The following PEX5 variants were observed in gnomAD, a reference collection of about 807,000 sequenced individuals.
The protein encoded by PEX5 is PTS1 receptor.
PEX5 carries 52 observed loss-of-function variants against 82.9 expected under a neutral mutation model. That is an observed-to-expected ratio of 0.63 (90% confidence interval 0.50 to 0.79). The LOEUF is 0.79. PEX5 is among the 30% of genes least tolerant of loss of function. PEX5 has a pLI of 0.00. For missense variants in PEX5, 719 were observed against 815.2 expected (o/e 0.88, Z 1.44); for synonymous variants, 300 against 318.8 (o/e 0.94, Z 0.63).
intron 6 of PEX5, among the ~76,000 whole-genome samples, chr12:7,201,272 C>T (rs1472078354): frequency 1.2e-4 from 11 of 89,186 alleles, no homozygotes; most frequent in East Asian, 8.1e-4. Flanking sequence ...CACATGTATA[C>T]ACACACATAG....
chr12:7,205,000 C>T (rs755918416), intron 10 of PEX5, among the ~76,000 whole-genome samples: 2 of 152,182 alleles, frequency 1.3e-5, no homozygotes, highest in African/African-American at 4.8e-5. Flanking sequence ...TGAACCGTTA[C>T]CTCACACTAT....
downstream of PEX5, among the ~76,000 whole-genome samples, chr12:7,214,579 G>C (rs1276109250): frequency 1.0e-5 from 1 of 99,888 alleles, no homozygotes; most frequent in Non-Finnish European, 1.9e-5. Context: ...GGTGGGGGGA[G>C]GGGGGAGGGA....
At position 7,189,698 on chromosome 12, in the gene PEX5, C is replaced by G. The variant is rs886049821; in HGVS notation, c.-69C>G. ...GGCTCCCCGCCCCCTCTTCTCCCCT[C>G]CCCCAAGCCAGCACCTGGTGCCCCG... On this transcript the variant is annotated 5_prime_UTR_variant, in exon 1 of 16. Transcript: ENST00000675855. 3.0e-5 allele frequency: 11 copies of G among 366,836 alleles called. No homozygotes were observed. Among genetic ancestry groups the G allele is most frequent in the African/African-American group, 2.3e-4 (11 of 46,988 alleles). The allele number at this position is 366,836 out of a possible 1,614,324, so 22.7% of individuals were successfully genotyped here. A position where few individuals can be genotyped will look rare whatever the true frequency, so the allele number is the denominator to read the frequency against.
intron 6 of PEX5, among the ~76,000 whole-genome samples, chr12:7,201,411 A>G (rs1944015392): frequency 6.6e-6 from 1 of 152,114 alleles, no homozygotes; most frequent in South Asian, 2.1e-4. Flanking sequence ...ATAGGTAAAT[A>G]TATATATATT....
intron 5 of PEX5, among the ~76,000 whole-genome samples, chr12:7,195,614 T>G (rs1941938565): frequency 7.7e-6 from 1 of 129,928 alleles, no homozygotes; most frequent in Non-Finnish European, 1.7e-5. Context: ...GTTTTTTCTG[T>G]TTTTTTTTTT....
Position 7,208,056 on chromosome 12 carries a change from T to G in PEX5, c.1157T>G (p.Leu386Arg). 6.2e-7 allele frequency: 1 copy of G among 1,613,872 alleles called. No individual in the cohort carries two copies. The change falls in exon 12 of 16, where the codon CTA becomes CGA. Residue 386 changes from leucine to arginine, a missense_variant. Leu to Arg is a moderately radical substitution (Grantham distance 102). Coordinates refer to ENST00000675855, the MANE Select transcript of PEX5 (RefSeq NM_001351132.2). ...ACCCAGGCAGAGAATGAACAAGAACTATTAGCCATCAGTGCATTGCGGAGG... is the reference window on the plus strand; with the variant it reads ...ACCCAGGCAGAGAATGAACAAGAACGATTAGCCATCAGTGCATTGCGGAGG... ...GTTQAENEQE[L>R]LAISALRRCL...
At position 7,209,810 on chromosome 12, in the gene PEX5, G is replaced by T; in HGVS notation, c.1688G>T (p.Gly563Val). Residue 563 changes from glycine (G) to valine (V), a missense_variant, in exon 15 of 16, where the codon GGC becomes GTC. Transcript: ENST00000675855. ...PGYIRSRYNL[G>V]ISCINLGAHR... Reference sequence around the variant, plus strand: ...TATATCCGGTCCCGCTATAACCTGGGCATCAGCTGCATCAACCTCGGGGCT... The same window carrying T: ...TATATCCGGTCCCGCTATAACCTGGTCATCAGCTGCATCAACCTCGGGGCT... 1 of 1,614,182 alleles carries T rather than the reference G, an allele frequency of 6.2e-7. No individual in the cohort carries two copies. Among genetic ancestry groups the T allele is most frequent in the Non-Finnish European group, 8.5e-7 (1 of 1,180,028 alleles).
downstream of PEX5, among the ~76,000 whole-genome samples, chr12:7,214,455 C>T (rs995942279): frequency 7.3e-5 from 11 of 150,890 alleles, no homozygotes; most frequent in African/African-American, 2.7e-4. Context: ...TCTCAGTAAA[C>T]TATCACAAGA....
intron 5 of PEX5, among the ~76,000 whole-genome samples, chr12:7,196,398 A>G (rs1942249776): frequency 2.2e-5 from 3 of 136,776 alleles, no homozygotes; most frequent in South Asian, 5.1e-4. Flanking sequence ...TGTCATACAT[A>G]TATGTGTCAT....
rs771879452 is a variant in PEX5 at position 7,202,265 on chromosome 12, G to A, written c.667G>A (p.Gly223Ser). ...GTTCCTGAAATTCGTGCGGCAGATT[G>A]GCGAAGGGCAGGTGTCCCTGGAGTC... ...SEFLKFVRQI[G>S]EGQVSLESGA... Residue 223 changes from glycine (G) to serine (S), a missense_variant, in exon 8 of 16, where the codon GGC becomes AGC. By Grantham distance (56) the Gly-to-Ser change is moderately conservative. Coordinates refer to ENST00000675855, the MANE Select transcript of PEX5 (RefSeq NM_001351132.2). 2 of 1,614,000 alleles carry A rather than the reference G, an allele frequency of 1.2e-6. No homozygotes were observed. Among genetic ancestry groups the A allele is most frequent in the African/African-American group, 1.3e-5 (1 of 74,904 alleles).
At chr12:7,188,793 C>T (rs749714359), upstream of PEX5, 2 of 152,436 alleles carry the variant, frequency 1.3e-5, no homozygotes, top group East Asian at 1.9e-4. Flanking sequence ...ACTAGGACTC[C>T]CTTGGTCTTG....
intron 9 of PEX5, among the ~76,000 whole-genome samples, 200 bp from the exon 10 acceptor site, chr12:7,203,229 CATT>C (rs1944364981): frequency 1.2e-5 from 1 of 82,752 alleles, no homozygotes; most frequent in African/African-American, 3.6e-5. Context: ...CACTACATTA[CATT>C]TCTGGCCATC....
downstream of PEX5, chr12:7,211,519 G>A (rs1280385567): frequency 3.3e-5 from 5 of 152,358 alleles, no homozygotes; most frequent in East Asian, 9.6e-4. Flanking sequence ...GGCAGAAGGT[G>A]AGTTGGCGTT....
intron 6 of PEX5, among the ~76,000 whole-genome samples, chr12:7,199,617 C>T (rs1179492357): frequency 6.6e-6 from 1 of 151,340 alleles, no homozygotes; most frequent in Non-Finnish European, 1.5e-5. Context: ...TCTACACAGA[C>T]ACAGCAACCA....
rs1273735218 is a variant in PEX5 at position 7,211,029 on chromosome 12, G to A, written c.*806G>A. 2 of 153,804 alleles carry A rather than the reference G, an allele frequency of 1.3e-5. No individual in the cohort carries two copies. Among genetic ancestry groups the A allele is most frequent in the South Asian group, 4.1e-4 (2 of 4,878 alleles). 9.5% of individuals were successfully genotyped at this position (153,804 alleles called of 1,614,324 possible). ...AGAGCAAGTGGGAAGGGGGTATGGT[G>A]AGTGCGGCAATCCCTCATCCTCTTA... is the stretch of plus-strand genomic sequence containing the variant. On this transcript the variant is annotated 3_prime_UTR_variant, in exon 16 of 16. Coordinates refer to ENST00000675855, the MANE Select transcript of PEX5 (RefSeq NM_001351132.2).
chr12:7,202,436 G>C (rs1364422677), intron 8 of PEX5, 85 bp downstream of exon 8: 1 of 1,535,914 alleles, frequency 6.5e-7, no homozygotes. Context: ...TCCCAGATGG[G>C]GAAGGATAAG....
chr12:7,203,659 T>C, intron 10 of PEX5, 108 bp downstream of exon 10: 2 of 1,093,144 alleles, frequency 1.8e-6, no homozygotes, highest in Non-Finnish European at 2.7e-6. Context: ...CTTGAGTCCC[T>C]TTCCACGAAA....
At chr12:7,191,478 C>T (rs546547055) in intron 4 of PEX5, 91 bp from the exon 5 acceptor site, 2 of 1,594,280 alleles carry the variant, frequency 1.3e-6, no homozygotes, top group Non-Finnish European at 1.7e-6. Flanking sequence ...ACAAAAGTAA[C>T]AGAGTGTTTT....
intron 5 of PEX5, among the ~76,000 whole-genome samples, chr12:7,193,534 G>A (rs74954067): frequency 1.0e-3 from 156 of 152,184 alleles, no homozygotes; most frequent in African/African-American, 3.6e-3. Context: ...GCGCCCTCAC[G>A]TTGAGATTCT....
Sources: gnomAD v4.1 joint callset for allele counts (sites outside exome capture counted in the v4.1 genomes callset) on GRCh38, gnomAD v4.1.1 for gene constraint, MANE v1.5 for transcripts, NCBI Gene and HGNC (gene_info 2026-07-23, HGNC 2026-07-21) for gene names.